Variants in PSG5 observed in about 807,000 individuals in gnomAD.
PSG5 encodes pregnancy-specific beta-1-glycoprotein 5.
A neutral mutation model predicts 37.7 loss-of-function variants in PSG5; 53 were observed. That is an observed-to-expected ratio of 1.41 (90% CI 1.13 to 1.77). The LOEUF (loss-of-function observed/expected upper bound fraction) is 1.77, where lower values mean the gene tolerates loss of function less well. Ranked by LOEUF, PSG5 falls within the 40% of genes most tolerant of loss-of-function variation. The probability of loss-of-function intolerance (pLI) is 0.00; values close to 1 mark genes in which losing one functional copy is unlikely to be tolerated. For synonymous variants in PSG5, 221 were observed against 155.4 expected (o/e 1.42, Z -3.14); for missense variants, 547 against 405.2 (o/e 1.35, Z -3.00).
chr19:43,170,357 T>G, intron 4 of PSG5: 54 of 608,066 alleles, frequency 8.9e-5, no homozygotes, highest in Non-Finnish European at 1.3e-4. Context: ...GTCAAATCTC[T>G]ACTGCACTCA....
chr19:43,186,260 T>C (rs1045507837), intron 1 of PSG5, 82 bp downstream of exon 1: 3 of 1,597,468 alleles, frequency 1.9e-6, no homozygotes, highest in Admixed American at 1.7e-5. Flanking sequence ...TTTTATTTTT[T>C]AGAACCCCAT....
At chr19:43,176,268 A>C (rs1384640092) in intron 2 of PSG5, 120 bp from the exon 3 acceptor site, 1 of 1,484,058 alleles carries the variant, frequency 6.7e-7, no homozygotes, top group Non-Finnish European at 9.1e-7. Context: ...GAAAGCCAGT[A>C]GCTGATGCAT....
intron 5 of PSG5, among the ~76,000 whole-genome samples, chr19:43,169,211 A>G (rs565869256): frequency 1.3e-5 from 2 of 151,504 alleles, no homozygotes. Flanking sequence ...CTTAGGCTTT[A>G]TGTCTCCTGG....
At chr19:43,180,805 T>TAC (rs1555719212) in intron 2 of PSG5, among the ~76,000 whole-genome samples, 1 of 150,516 alleles carries the variant, frequency 6.6e-6, no homozygotes, top group Admixed American at 6.6e-5. Flanking sequence ...GCTCCTTAAG[T>TAC]AGAGAGTCCC....
chr19:43,175,596 A>G lies in PSG5; in HGVS notation c.710-127T>C. The G allele has an allele frequency of 2.8e-6, 4 of 1,453,498 alleles. 1 individual carries two copies. The highest frequency in any genetic ancestry group is 3.7e-6 in the Non-Finnish European group (4 of 1,080,846). The allele number at this position is 1,453,498 out of a possible 1,614,324, so 90.0% of individuals were successfully genotyped here. A position where few individuals can be genotyped will look rare whatever the true frequency, so the allele number is the denominator to read the frequency against. On this transcript the variant is annotated intron_variant, in intron 3 of 5. Transcript: ENST00000342951. ...CTCAAGTCCCAGCCGAACCCCCACT[A>G]TATTCACTGAGCCAAAGCCTGAGGT...
chr19:43,170,252 C>G, intron 4 of PSG5, 114 bp from the exon 5 acceptor site: 2 of 994,804 alleles, frequency 2.0e-6, no homozygotes, highest in Non-Finnish European at 2.9e-6. Context: ...TCAAGTACTA[C>G]ATTATTCCTC....
At chr19:43,179,889 G>A (rs1249095257) in intron 2 of PSG5, among the ~76,000 whole-genome samples, 1 of 151,752 alleles carries the variant, frequency 6.6e-6, no homozygotes, top group African/African-American at 2.4e-5. Context: ...CCTGTTCTGG[G>A]TCCATGATGC....
At chr19:43,172,494 G>T (rs1373782673) in intron 4 of PSG5, among the ~76,000 whole-genome samples, 4 of 151,482 alleles carry the variant, frequency 2.6e-5, no homozygotes, top group Non-Finnish European at 5.9e-5. Flanking sequence ...AAATCCTAAA[G>T]GTGGAACAAA....
At chr19:43,177,102 T>C (rs189456372) in intron 2 of PSG5, among the ~76,000 whole-genome samples, 2 of 151,630 alleles carry the variant, frequency 1.3e-5, no homozygotes, top group East Asian at 1.9e-4. Context: ...GACATTCTAC[T>C]CTCTGATTCC....
rs564472239 is a variant in PSG5 at position 43,175,068 on chromosome 19, A to C, written c.964+147T>G. 7.7e-5 allele frequency: 120 copies of C among 1,566,598 alleles called. 2 individuals carry two copies. The highest frequency in any genetic ancestry group is 1.0e-4 in the Non-Finnish European group (117 of 1,157,728). On this transcript the variant is annotated intron_variant, in intron 4 of 5. Transcript: ENST00000342951. ...AAGGAGAAGAGAGTTTGTAGAGACA[A>C]ATTGGAAGGGTTCAGGAGGAGAATT...
intron 2 of PSG5, chr19:43,178,972 C>A: frequency 6.2e-7 from 1 of 1,612,682 alleles, no homozygotes; most frequent in Non-Finnish European, 8.5e-7. Flanking sequence ...TTTGTGACAC[C>A]AAATATAAAG....
chr19:43,183,547 G>T (rs563851719), intron 2 of PSG5: 121 of 502,816 alleles, frequency 2.4e-4, no homozygotes, highest in Non-Finnish European at 4.3e-4. Context: ...GGAAACACAG[G>T]ATTTCAGGTT....
At chr19:43,168,641 G>A (rs1968838691) in intron 5 of PSG5, among the ~76,000 whole-genome samples, 1 of 151,640 alleles carries the variant, frequency 6.6e-6, no homozygotes, top group Non-Finnish European at 1.5e-5. Flanking sequence ...CAAACTGCTG[G>A]GATTGCAGGC....
chr19:43,179,469 TG>T (rs1292451992), intron 2 of PSG5, among the ~76,000 whole-genome samples: 2 of 151,710 alleles, frequency 1.3e-5, no homozygotes, highest in Non-Finnish European at 2.9e-5. Flanking sequence ...TAAAACTGCC[TG>T]CCTGACCCAC....
At chr19:43,182,997 C>T (rs1046855625) in intron 2 of PSG5, among the ~76,000 whole-genome samples, 22 of 150,740 alleles carry the variant, frequency 1.5e-4, no homozygotes, top group Non-Finnish European at 2.7e-4. Flanking sequence ...AACAGCCAGC[C>T]TAGTTAGAGG....
At chr19:43,170,452 T>C in intron 4 of PSG5, 1 of 449,814 alleles carries the variant, frequency 2.2e-6, no homozygotes, top group Non-Finnish European at 4.2e-6. Flanking sequence ...CACCTTTTCA[T>C]GGTTGCATCT....
rs551250071 is a variant in PSG5, at chr19:43,177,374, T to C, written c.431-1226A>G. Among the ~76,000 whole-genome samples, 166 of 151,682 alleles carry C rather than the reference T, an allele frequency of 1.1e-3. 6 individuals carry two copies. Among genetic ancestry groups the C allele is most frequent in the African/African-American group, 3.8e-3 (158 of 41,214 alleles). ...TCTGACATTTTTTGATTCTGAAATA[T>C]TTGTCATATACTTACTGGTTTAGCA... On this transcript the variant is annotated intron_variant, in intron 2 of 5. Transcript: ENST00000342951.
chr19:43,186,017 C>T (rs2122250421), intron 1 of PSG5, among the ~76,000 whole-genome samples: 1 of 150,896 alleles, frequency 6.6e-6, no homozygotes, highest in East Asian at 1.9e-4. Flanking sequence ...CGTACTGTCA[C>T]CCAGGCTGGC....
rs199504013 is a variant in PSG5 at position 43,185,145 on chromosome 19, A to T, written c.67T>A (p.Ser23Thr). Residue 23 changes from serine to threonine, a missense_variant and splice_region_variant, in exon 2 of 6, where the codon TCA (serine) becomes ACA (threonine). Physicochemically the swap from Ser to Thr is moderately conservative, Grantham distance 58 (BLOSUM62 1). Coordinates refer to ENST00000342951, the MANE Select transcript of PSG5 (RefSeq NM_002781.4). Reference protein sequence around the residue: ...ITWKGLLLTASLLNFWNLPIT... With the variant: ...ITWKGLLLTATLLNFWNLPIT... ...GGCAGGTTCCAGAAGTTTAAAAGTGATGCTAGGAGGTGGAGAAAGCACCAG... is the reference window on the plus strand; with the variant it reads ...GGCAGGTTCCAGAAGTTTAAAAGTGTTGCTAGGAGGTGGAGAAAGCACCAG... 5 of 1,599,492 alleles carry T rather than the reference A, an allele frequency of 3.1e-6. No homozygotes were observed. In the Admixed American group the frequency reaches 8.5e-5, roughly 27 times the overall value.
Sources: allele counts gnomAD v4.1 joint callset (sites outside exome capture counted in the v4.1 genomes callset), GRCh38; gene constraint gnomAD v4.1.1; transcripts MANE v1.5; gene names NCBI Gene and HGNC (gene_info 2026-07-23, HGNC 2026-07-21).